The following TBC1D17 variants were observed in gnomAD, a reference collection of about 807,000 sequenced individuals.
The protein encoded by TBC1D17 is TBC1 domain family, member 17.
TBC1D17 carries 69 observed loss-of-function variants against 78.8 expected under a neutral mutation model. The ratio of observed to expected loss-of-function variants is 0.88; its 90% CI spans 0.72 to 1.07. The LOEUF (loss-of-function observed/expected upper bound fraction) is 1.07. Ranked by LOEUF, TBC1D17 falls within the 50% of genes least tolerant of loss-of-function variation. TBC1D17 has a pLI of 0.00. For missense variants in TBC1D17, 957 were observed against 861.0 expected (o/e 1.11, Z -1.39); for synonymous variants, 456 against 358.3 (o/e 1.27, Z -3.08).
chr19:49,878,477 C>T, intron 2 of TBC1D17, 21 bp from the exon 3 acceptor site: 1 of 1,610,508 alleles, frequency 6.2e-7, no homozygotes, highest in Non-Finnish European at 8.5e-7. Context: ...GCCTCTAACC[C>T]CGCCTCCCTC....
chr19:49,877,792 C>T (rs1349912778), intron 1 of TBC1D17, 48 bp downstream of exon 1: 1 of 1,559,206 alleles, frequency 6.4e-7, no homozygotes, highest in Admixed American at 2.0e-5. Flanking sequence ...GCGAAACGCC[C>T]CGTCTAGTGA....
In TBC1D17 at chr19:49,881,905, A is replaced by G. The variant is rs547222891; in HGVS notation, c.528-136A>G. ...GATCCAGCTGTGGGCCTCCTTTAAC[A>G]GCATTCCCTGAAATGAGGGGTTGCC... On this transcript the variant is annotated intron_variant, in intron 5 of 16. Coordinates refer to ENST00000221543, the MANE Select transcript of TBC1D17 (RefSeq NM_024682.3). 1.7e-4 allele frequency: 135 copies of G among 788,366 alleles called. 2 individuals are homozygous for G. The South Asian group carries it at 2.0e-3, about 12-fold the overall frequency. 48.8% of individuals were successfully genotyped at this position (788,366 alleles called of 1,614,324 possible). A position where few individuals can be genotyped will look rare whatever the true frequency, so the allele number is the denominator to read the frequency against.
chr19:49,886,479 GTCAT>G (rs1445531174), intron 13 of TBC1D17: 2 of 152,132 alleles, frequency 1.3e-5, no homozygotes, highest in Admixed American at 6.6e-5. Flanking sequence ...CTGCCTCTGG[GTCAT>G]TCAAAGTCTT....
In TBC1D17 at chr19:49,888,258, A is replaced by G; in HGVS notation, c.1687A>G (p.Ser563Gly). 1 of 1,593,066 alleles carries G rather than the reference A, an allele frequency of 6.3e-7. No homozygotes were observed. The change falls in exon 16 of 17, where the codon AGC (serine) becomes GGC (glycine). Residue 563 changes from serine to glycine, a missense_variant. Physicochemically the swap from Ser to Gly is moderately conservative, Grantham distance 56 (BLOSUM62 0). Coordinates refer to ENST00000221543, the MANE Select transcript of TBC1D17 (RefSeq NM_024682.3). ...CATCAACGAGCTGACTATGAAGCTG[A>G]GCGTGGAGGACGTGCTGACCCGCGC... Reference protein sequence around the residue: ...KHINELTMKLSVEDVLTRAEA... With the variant: ...KHINELTMKLGVEDVLTRAEA...
chr19:49,886,264 GAAAA>G (rs952373241), intron 13 of TBC1D17, among the ~76,000 whole-genome samples: 3 of 151,544 alleles, frequency 2.0e-5, no homozygotes, highest in African/African-American at 7.3e-5. Flanking sequence ...CAAAAAAAAA[GAAAA>G]AAGAAAGTTA....
intron 4 of TBC1D17, among the ~76,000 whole-genome samples, chr19:49,880,776 T>A (rs955264450): frequency 6.6e-6 from 1 of 152,200 alleles, no homozygotes; most frequent in South Asian, 2.1e-4. Context: ...ACGTGACCCC[T>A]CTGGGGAATG....
intron 7 of TBC1D17, 41 bp from the exon 8 acceptor site, chr19:49,882,723 C>T (rs1251189938): frequency 2.7e-6 from 4 of 1,488,262 alleles, no homozygotes; most frequent in Non-Finnish European, 3.6e-6. Context: ...GTCCCCCCAC[C>T]ACCCCGCCGA....
At chr19:49,877,908 G>A (rs775390901) in intron 1 of TBC1D17, 164 bp downstream of exon 1, 16 of 904,806 alleles carry the variant, frequency 1.8e-5, no homozygotes, top group Non-Finnish European at 2.3e-5. Context: ...CCCCAGGGAA[G>A]AACCTCCCAT....
chr19:49,886,667 A>ACAGT (rs2075061000), intron 13 of TBC1D17: 1 of 152,120 alleles, frequency 6.6e-6, no homozygotes, highest in African/African-American at 2.4e-5. Context: ...TTTGTTCAGG[A>ACAGT]CAGTGCTTGT....
chr19:49,888,248 T>G lies in TBC1D17; in HGVS notation c.1677T>G (p.Thr559=). Residue 559 remains threonine (T), a synonymous_variant, in exon 16 of 17, where the codon ACT becomes ACG. Coordinates refer to ENST00000221543, the MANE Select transcript of TBC1D17 (RefSeq NM_024682.3). ...NEILKHINEL[T]MKLSVEDVLT... is the part of the protein sequence containing the mutation. ...TCCCGCAGCACATCAACGAGCTGAC[T>G]ATGAAGCTGAGCGTGGAGGACGTGC... The G allele has an allele frequency of 1.3e-6, 2 of 1,590,572 alleles. No individual in the cohort carries two copies. Among genetic ancestry groups the G allele is most frequent in the South Asian group, 1.1e-5 (1 of 87,394 alleles).
chr19:49,877,838 C>T (rs79983202), intron 1 of TBC1D17, 94 bp downstream of exon 1: 41,072 of 1,433,284 alleles, frequency 0.029, 876 homozygotes, highest in South Asian at 0.082. Context: ...CTCGAGAATC[C>T]GGCACGGCCT....
rs756847586 is a variant in TBC1D17, at chr19:49,882,351, C to G, written c.749C>G (p.Pro250Arg). The change falls in exon 7 of 17, where the codon CCC (proline) becomes CGC (arginine). Residue 250 changes from proline (P) to arginine (R), a missense_variant. Transcript: ENST00000221543. Reference sequence around the variant, plus strand: ...CCTGAGGGAGCCGCCTCCGACCTTCCCCCGCCACCCGACGATGAGCCCGAG... The same window carrying G: ...CCTGAGGGAGCCGCCTCCGACCTTCGCCCGCCACCCGACGATGAGCCCGAG... ...PQPEGAASDLPPPPDDEPEPG... is the reference protein window; with the variant it reads ...PQPEGAASDLRPPPDDEPEPG... The G allele has an allele frequency of 6.2e-7, 1 of 1,610,016 alleles. No individual in the cohort carries two copies. The highest frequency in any genetic ancestry group is 1.7e-5 in the Admixed American group (1 of 60,006).
At chr19:49,881,738 G>T (rs1464590164) in intron 5 of TBC1D17, among the ~76,000 whole-genome samples, 1 of 152,160 alleles carries the variant, frequency 6.6e-6, no homozygotes, top group African/African-American at 2.4e-5. Context: ...TAACAACCCG[G>T]CTGGATAGAA....
intron 4 of TBC1D17, 134 bp downstream of exon 4, chr19:49,880,536 G>A: frequency 1.6e-6 from 2 of 1,218,934 alleles, no homozygotes; most frequent in Non-Finnish European, 2.2e-6. Context: ...CCAGTCCCAG[G>A]AGCATGGAAG....
At chr19:49,883,431 G>T (rs1272630419) in intron 9 of TBC1D17, among the ~76,000 whole-genome samples, 1 of 152,164 alleles carries the variant, frequency 6.6e-6, no homozygotes, top group South Asian at 2.1e-4. Context: ...CCAGTGGGGG[G>T]TGACAAATTT....
In TBC1D17 at chr19:49,878,547, C is replaced by T. The variant is rs758141914; in HGVS notation, c.170C>T (p.Ser57Phe). ...HWAPVEEAGD[S>F]TQILFSKKDS... ...GCTCCTGTAGAGGAGGCTGGAGATT[C>T]CACCCAAATCCTCTTCTCCAAGAAG... The change falls in exon 3 of 17, where the codon TCC becomes TTC. Residue 57 changes from serine (S) to phenylalanine (F), a missense_variant. Coordinates refer to ENST00000221543, the MANE Select transcript of TBC1D17 (RefSeq NM_024682.3). 3.1e-6 allele frequency: 5 copies of T among 1,614,010 alleles called. No homozygotes were observed. Among genetic ancestry groups the T allele is most frequent in the Non-Finnish European group, 4.2e-6 (5 of 1,180,018 alleles).
intron 4 of TBC1D17, 135 bp downstream of exon 4, chr19:49,880,537 A>G: frequency 8.2e-7 from 1 of 1,212,752 alleles, no homozygotes; most frequent in Non-Finnish European, 1.1e-6. Context: ...CAGTCCCAGG[A>G]GCATGGAAGT....
rs1329576836 is a variant in TBC1D17 at position 49,877,871 on chromosome 19, A to C, written c.21+127A>C. The stretch of plus-strand genomic sequence containing the variant: ...CCTTGGCAAACACCGATCTCTTATA[A>C]ACGCGCCGTCACCCTCCCGTCCACC... On this transcript the variant is annotated intron_variant, in intron 1 of 16. Coordinates refer to ENST00000221543, the MANE Select transcript of TBC1D17 (RefSeq NM_024682.3). The C allele has an allele frequency of 4.1e-6, 5 of 1,207,094 alleles. No individual in the cohort carries two copies. The African/African-American group carries it at 7.7e-5, about 19-fold the overall frequency. The allele number at this position is 1,207,094 out of a possible 1,614,324, so 74.8% of individuals were successfully genotyped here.
chr19:49,888,144 C>T lies in TBC1D17; in HGVS notation c.1660-87C>T, dbSNP rs1461826343. 9.1e-6 allele frequency: 14 copies of T among 1,544,530 alleles called. No homozygotes were observed. The Admixed American group carries it at 2.8e-4, about 30-fold the overall frequency. Reference sequence around the variant, plus strand: ...CCAGAGGGCCAGCCCGGTGTGTCTTCATTGTTTCCCAGCACGAAGCACAGA... The same window carrying T: ...CCAGAGGGCCAGCCCGGTGTGTCTTTATTGTTTCCCAGCACGAAGCACAGA... On this transcript the variant is annotated intron_variant, in intron 15 of 16. Transcript: ENST00000221543.
Sources: allele counts gnomAD v4.1 joint callset (sites outside exome capture counted in the v4.1 genomes callset), GRCh38; gene constraint gnomAD v4.1.1; transcripts MANE v1.5; gene names NCBI Gene and HGNC (gene_info 2026-07-23, HGNC 2026-07-21).